Variants in NOP9 observed in about 807,000 individuals in gnomAD.
NOP9 encodes the protein nucleolar protein 9.
NOP9 carries 50 observed loss-of-function variants against 63.0 expected under a neutral mutation model. That is an observed-to-expected ratio of 0.79 (90% confidence interval 0.63 to 1.00). The LOEUF (loss-of-function observed/expected upper bound fraction) is 1.00, where lower values mean the gene tolerates loss of function less well. NOP9 is among the 50% of genes least tolerant of loss of function. The pLI is 0.00. For missense variants in NOP9, 758 were observed against 803.0 expected (o/e 0.94, Z 0.68); for synonymous variants, 343 against 332.8 (o/e 1.03, Z -0.33).
In NOP9 at chr14:24,303,831, G is replaced by A. The variant is rs1412480566; in HGVS notation, c.1384G>A (p.Glu462Lys). Residue 462 changes from glutamate (E) to lysine (K), a missense_variant, in exon 7 of 10, where the codon GAG (glutamate) becomes AAG (lysine). Glu to Lys is a moderately conservative substitution (Grantham distance 56). Transcript: ENST00000267425. ...YEVYYGLTEE[E>K]GAVPAEHQVA... ...GGTGTACTATGGACTGACGGAGGAG[G>A]AGGGGGCAGTGCCTGCAGAGCACCA... The A allele has an allele frequency of 1.9e-6, 3 of 1,614,070 alleles. No individual in the cohort carries two copies. The highest frequency in any genetic ancestry group is 2.5e-6 in the Non-Finnish European group (3 of 1,180,040).
chr14:24,292,824 A>C, the NOP9 span: 1 of 1,583,638 alleles, frequency 6.3e-7, no homozygotes, highest in East Asian at 2.3e-5. Flanking sequence ...GAACCGTGTT[A>C]GTGCTGGCCT....
the NOP9 span, among the ~76,000 whole-genome samples, chr14:24,280,548 A>G: frequency 3.9e-5 from 6 of 152,370 alleles, no homozygotes; most frequent in East Asian, 7.7e-4. Flanking sequence ...TGCCTGCACC[A>G]TGGTGGTTGC....
At position 24,304,637 on chromosome 14, in the gene NOP9, C is replaced by T. The variant is rs751770701; in HGVS notation, c.1753+39C>T. On this transcript the variant is annotated intron_variant, in intron 9 of 9. Coordinates refer to ENST00000267425, the MANE Select transcript of NOP9 (RefSeq NM_174913.3). ...CCTCTCTTTGATGTTTCCAGACTCT[C>T]CCCTCTCTTACTCCAGATCACTGGG... 6 of 1,448,606 alleles carry T rather than the reference C, an allele frequency of 4.1e-6. No individual in the cohort carries two copies. In the South Asian group the frequency reaches 5.0e-5, roughly 12 times the overall value. 89.7% of individuals were successfully genotyped at this position (1,448,606 alleles called of 1,614,324 possible).
At position 24,306,573 on chromosome 14, in the gene NOP9, C is replaced by G. The variant is rs976450178; in HGVS notation, c.*1478C>G. ...GGGCAGGTCTTATCCCATGCCCCTT[C>G]CCTCTTTAGCTGCCCAACATCCATC... On this transcript the variant is annotated 3_prime_UTR_variant, in exon 10 of 10. Transcript: ENST00000267425. 6 of 1,610,192 alleles carry G rather than the reference C, an allele frequency of 3.7e-6. No individual in the cohort carries two copies. The African/African-American group carries it at 6.7e-5, about 18-fold the overall frequency.
At chr14:24,291,077 A>G in the NOP9 span, 270 of 1,612,886 alleles carry the variant, frequency 1.7e-4, 1 homozygote, top group East Asian at 5.9e-3. Flanking sequence ...AGACCGAGGG[A>G]GGAGTGGGCA....
At chr14:24,284,212 G>T in the NOP9 span, among the ~76,000 whole-genome samples, 8 of 152,208 alleles carry the variant, frequency 5.3e-5, no homozygotes, top group Non-Finnish European at 7.4e-5. Flanking sequence ...GAGGTGCCTG[G>T]CTGTGGCGAC....
At chr14:24,285,907 T>C in the NOP9 span, among the ~76,000 whole-genome samples, 1 of 151,972 alleles carries the variant, frequency 6.6e-6, no homozygotes, top group Non-Finnish European at 1.5e-5. Flanking sequence ...GAGAATTGCT[T>C]GAACCCAGGA....
chr14:24,300,526 T>G lies in NOP9; in HGVS notation c.366T>G (p.Leu122=). 1 of 1,614,222 alleles carries G rather than the reference T, an allele frequency of 6.2e-7. No individual in the cohort carries two copies. The highest frequency in any genetic ancestry group is 8.5e-7 in the Non-Finnish European group (1 of 1,180,032). Residue 122 remains leucine, a synonymous_variant, in exon 2 of 10, where the codon CTT becomes CTG. Coordinates refer to ENST00000267425, the MANE Select transcript of NOP9 (RefSeq NM_174913.3). ...ELLGFSPLKP[L]CRVWAALRSN... ...TGGGATTCAGTCCCTTGAAACCGCT[T>G]TGTCGCGTGTGGGCTGCTCTGCGCT...
chr14:24,303,752 C>T lies in NOP9; in HGVS notation c.1305C>T (p.Pro435=), dbSNP rs1333758544. 9 of 1,614,064 alleles carry T rather than the reference C, an allele frequency of 5.6e-6. No individual in the cohort carries two copies. The highest frequency in any genetic ancestry group is 2.7e-5 in the African/African-American group (2 of 74,932). ...LLLEAFHCAE[P]SSRQVACVPL... ...TTTAGGCATTCCACTGTGCAGAGCC[C>T]TCATCCCGGCAAGTGGCCTGTGTGC... Residue 435 remains proline (P), a synonymous_variant, in exon 7 of 10, where the codon CCC becomes CCT. Coordinates refer to ENST00000267425, the MANE Select transcript of NOP9 (RefSeq NM_174913.3).
At chr14:24,281,575 A>T in the NOP9 span, among the ~76,000 whole-genome samples, 1 of 152,214 alleles carries the variant, frequency 6.6e-6, no homozygotes, top group East Asian at 1.9e-4. Flanking sequence ...AACACTAGTC[A>T]AGAGCCAAGT....
At chr14:24,289,138 A>G in the NOP9 span, among the ~76,000 whole-genome samples, 4 of 152,000 alleles carry the variant, frequency 2.6e-5, no homozygotes, top group Admixed American at 2.6e-4. Context: ...CACCACGCCC[A>G]GCTAATTTTT....
In NOP9 at chr14:24,300,560, C is replaced by A. The variant is rs148747544; in HGVS notation, c.400C>A (p.Arg134Ser). The A allele has an allele frequency of 6.2e-6, 10 of 1,614,200 alleles. No homozygotes were observed. Among genetic ancestry groups the A allele is most frequent in the Non-Finnish European group, 8.5e-6 (10 of 1,180,036 alleles). ...GTGGGCTGCTCTGCGCTCTAACTTG[C>A]GCACTGTGGCCTGTCACCGATGCGG... ...RVWAALRSNLRTVACHRCGVH... is the reference protein window; with the variant it reads ...RVWAALRSNLSTVACHRCGVH... Residue 134 changes from arginine to serine, a missense_variant, in exon 2 of 10, where the codon CGC becomes AGC. Coordinates refer to ENST00000267425, the MANE Select transcript of NOP9 (RefSeq NM_174913.3).
At chr14:24,280,305 T>A in the NOP9 span, among the ~76,000 whole-genome samples, 4 of 152,174 alleles carry the variant, frequency 2.6e-5, no homozygotes, top group Non-Finnish European at 5.9e-5. Context: ...AGCTGCCCTG[T>A]CTGAGAATGG....
chr14:24,296,477 G>A, upstream of NOP9: 1 of 1,611,668 alleles, frequency 6.2e-7, no homozygotes. Flanking sequence ...AAGTGAGTGA[G>A]GGAACATGGG....
intron 3 of NOP9, 50 bp downstream of exon 3, chr14:24,301,772 A>C: frequency 6.3e-7 from 1 of 1,591,818 alleles, no homozygotes; most frequent in Non-Finnish European, 8.6e-7. Context: ...TCTGGAGGTC[A>C]TCTTACCACC....
rs763179111 is a variant in NOP9 at position 24,304,050 on chromosome 14, G to C, written c.1420G>C (p.Ala474Pro). The change falls in exon 8 of 10, where the codon GCC (alanine) becomes CCC (proline). Residue 474 changes from alanine (A) to proline (P), a missense_variant. Ala to Pro is a conservative substitution (Grantham distance 27). Transcript: ENST00000267425. Reference protein sequence around the residue: ...AVPAEHQVAMAAARALGDVTV... With the variant: ...AVPAEHQVAMPAARALGDVTV... ...ATCTCTGCGCTGCCAGGTGGCAATG[G>C]CCGCAGCCAGAGCCTTGGGGGATGT... 33 of 1,613,928 alleles carry C rather than the reference G, an allele frequency of 2.0e-5. No individual in the cohort carries two copies. The highest frequency in any genetic ancestry group is 8.5e-6 in the Non-Finnish European group (10 of 1,179,900).
rs1162628300 is a variant in NOP9 at position 24,302,433 on chromosome 14, G to GA, written c.1143+12dup. The GA allele has an allele frequency of 5.0e-6, 8 of 1,600,918 alleles. No homozygotes were observed. The African/African-American group carries it at 1.1e-4, about 21-fold the overall frequency. On this transcript the variant is annotated intron_variant, in intron 5 of 9. Coordinates refer to ENST00000267425, the MANE Select transcript of NOP9 (RefSeq NM_174913.3). ...TCACTACCCCTGAGCTGGTGAGTTG[G>GA]AAACCTGAGCTGGATCTGTTTCTGC...
At chr14:24,276,865 A>G in the NOP9 span, among the ~76,000 whole-genome samples, 89 of 152,372 alleles carry the variant, frequency 5.8e-4, no homozygotes, top group African/African-American at 2.1e-3. Flanking sequence ...CAAATCACAG[A>G]TGTGCAGCTC....
chr14:24,277,658 G>C, the NOP9 span, among the ~76,000 whole-genome samples: 1 of 152,222 alleles, frequency 6.6e-6, no homozygotes, highest in Non-Finnish European at 1.5e-5. Context: ...AATAAAGCCT[G>C]GCCTTGTGCT....
Sources: allele counts gnomAD v4.1 joint callset (sites outside exome capture counted in the v4.1 genomes callset), GRCh38; gene constraint gnomAD v4.1.1; transcripts MANE v1.5; gene names NCBI Gene and HGNC (gene_info 2026-07-23, HGNC 2026-07-21).